Variants in CD2AP observed in about 807,000 individuals in gnomAD.
CD2AP encodes CD2-associated protein.
A neutral mutation model predicts 85.1 loss-of-function variants in CD2AP; 46 were observed. That is an observed-to-expected ratio of 0.54 (90% CI 0.43 to 0.69). The LOEUF (loss-of-function observed/expected upper bound fraction) is 0.69, where lower values mean the gene tolerates loss of function less well. Among genes scored for constraint, CD2AP ranks in the 30% least tolerant of loss-of-function variants. CD2AP has a pLI of 0.00. For missense variants in CD2AP, 769 were observed against 729.5 expected (o/e 1.05, Z -0.62); for synonymous variants, 255 against 252.9 (o/e 1.01, Z -0.08).
intron 15 of CD2AP, 45 bp from the exon 16 acceptor site, chr6:47,609,078 A>G (rs751183220): frequency 4.3e-6 from 6 of 1,395,234 alleles, no homozygotes; most frequent in Non-Finnish European, 5.9e-6. Context: ...TCGAACGTAA[A>G]TATAATATTA....
intron 2 of CD2AP, 62 bp from the exon 3 acceptor site, chr6:47,533,540 T>A (rs1010135504): frequency 1.0e-5 from 15 of 1,502,954 alleles, no homozygotes; most frequent in Non-Finnish European, 1.3e-5. Context: ...TATTTTACAT[T>A]TGAGGATTTA....
intron 16 of CD2AP, 181 bp downstream of exon 16, chr6:47,609,485 T>G: frequency 2.9e-6 from 1 of 343,038 alleles, no homozygotes; most frequent in South Asian, 6.7e-5. Context: ...GAGACCAGCC[T>G]GGACGACATG....
intron 2 of CD2AP, among the ~76,000 whole-genome samples, chr6:47,507,890 T>A (rs1333417454): frequency 6.6e-6 from 1 of 152,236 alleles, no homozygotes; most frequent in East Asian, 1.9e-4. Flanking sequence ...ATCAGATGCA[T>A]CATCAATATG....
chr6:47,558,902 C>T (rs1767767844), intron 5 of CD2AP, among the ~76,000 whole-genome samples: 1 of 152,104 alleles, frequency 6.6e-6, no homozygotes, highest in South Asian at 2.1e-4. Flanking sequence ...GGAATGGTAC[C>T]AGCTCCTCTT....
intron 11 of CD2AP, 166 bp downstream of exon 11, chr6:47,582,231 C>G (rs1582587535): frequency 1.7e-6 from 1 of 589,476 alleles, no homozygotes; most frequent in East Asian, 3.0e-5. Flanking sequence ...ATTTCTCAAA[C>G]AGATAACAAT....
intron 1 of CD2AP, among the ~76,000 whole-genome samples, chr6:47,490,521 C>T (rs974068943): frequency 1.3e-5 from 2 of 151,990 alleles, no homozygotes; most frequent in African/African-American, 4.8e-5. Flanking sequence ...AACTTGTTTG[C>T]TCTTTAGATT....
At chr6:47,623,906 A>AT (rs919775962) in intron 17 of CD2AP, among the ~76,000 whole-genome samples, 3 of 152,010 alleles carry the variant, frequency 2.0e-5, no homozygotes, top group Non-Finnish European at 2.9e-5. Flanking sequence ...GGACTGACTG[A>AT]TTTTTTTACA....
intron 11 of CD2AP, among the ~76,000 whole-genome samples, chr6:47,594,955 CAT>C (rs1768898403): frequency 1.3e-5 from 2 of 151,904 alleles, no homozygotes; most frequent in Non-Finnish European, 2.9e-5. Context: ...TTGTGATAGA[CAT>C]TTTTTTCAAA....
intron 16 of CD2AP, 70 bp downstream of exon 16, chr6:47,609,374 T>A: frequency 1.6e-6 from 2 of 1,279,092 alleles, no homozygotes; most frequent in Non-Finnish European, 2.3e-6. Context: ...TCAAACCATA[T>A]TAAGTAAAAA....
chr6:47,605,040 G>T (rs1353517324), intron 13 of CD2AP, among the ~76,000 whole-genome samples: 1 of 152,000 alleles, frequency 6.6e-6, no homozygotes, highest in African/African-American at 2.4e-5. Flanking sequence ...AGTTTTGTGG[G>T]CAGTGATGAT....
Position 47,574,259 on chromosome 6 carries a change from T to C in CD2AP, c.729+8T>C. 8.7e-6 allele frequency: 14 copies of C among 1,611,956 alleles called. No individual in the cohort carries two copies. The highest frequency in any genetic ancestry group is 2.2e-5 in the South Asian group (2 of 90,980). Reference sequence around the variant, plus strand: ...GAGAAAAAACCAGAAAAGGTGGTAATGATGGACTTGTTAGATTAACTCCAC... The same window carrying C: ...GAGAAAAAACCAGAAAAGGTGGTAACGATGGACTTGTTAGATTAACTCCAC... On this transcript the variant is annotated splice_region_variant and intron_variant, in intron 6 of 17. Coordinates refer to ENST00000359314, the MANE Select transcript of CD2AP (RefSeq NM_012120.3).
intron 5 of CD2AP, among the ~76,000 whole-genome samples, chr6:47,571,694 A>G (rs1364246385): frequency 6.6e-6 from 1 of 152,148 alleles, no homozygotes; most frequent in East Asian, 1.9e-4. Flanking sequence ...TTGTGAAGAA[A>G]GAGCAATTAC....
intron 2 of CD2AP, among the ~76,000 whole-genome samples, chr6:47,505,565 T>C (rs1485035991): frequency 5.0e-5 from 7 of 139,696 alleles, no homozygotes; most frequent in Admixed American, 7.1e-5. Flanking sequence ...GACGGGGTGG[T>C]GGCTGGGCAG....
intron 1 of CD2AP, among the ~76,000 whole-genome samples, chr6:47,484,685 A>G (rs887671840): frequency 2.0e-5 from 3 of 152,054 alleles, no homozygotes; most frequent in Admixed American, 6.6e-5. Context: ...ACTTCCCATC[A>G]TGATCTTGTT....
chr6:47,569,114 G>A (rs1368222522), intron 5 of CD2AP, among the ~76,000 whole-genome samples: 1 of 152,172 alleles, frequency 6.6e-6, no homozygotes, highest in Non-Finnish European at 1.5e-5. Flanking sequence ...TAGAGAGTAA[G>A]TATAAGGCAG....
At chr6:47,537,337 C>T (rs1169329427) in intron 3 of CD2AP, among the ~76,000 whole-genome samples, 2 of 152,120 alleles carry the variant, frequency 1.3e-5, no homozygotes, top group Non-Finnish European at 2.9e-5. Context: ...CATGGTGGCT[C>T]TTTGACATTG....
chr6:47,604,727 A>G (rs774898073), intron 13 of CD2AP, among the ~76,000 whole-genome samples: 22 of 152,026 alleles, frequency 1.4e-4, no homozygotes, highest in Non-Finnish European at 1.8e-4. Context: ...TTTAAATTCA[A>G]CCGCCTTCAG....
intron 6 of CD2AP, 80 bp downstream of exon 6, chr6:47,574,331 ACT>A (rs1768244760): frequency 3.8e-6 from 5 of 1,318,526 alleles, no homozygotes; most frequent in Non-Finnish European, 5.4e-6. Flanking sequence ...TCAGTTTGTA[ACT>A]CTGTTAGATT....
chr6:47,485,987 A>G (rs1765556428), intron 1 of CD2AP, among the ~76,000 whole-genome samples: 1 of 152,152 alleles, frequency 6.6e-6, no homozygotes, highest in Non-Finnish European at 1.5e-5. Context: ...ATTTCCTAAG[A>G]TGCATCCCCA....
Sources: gnomAD v4.1 joint callset for allele counts (sites outside exome capture counted in the v4.1 genomes callset) on GRCh38, gnomAD v4.1.1 for gene constraint, MANE v1.5 for transcripts, NCBI Gene and HGNC (gene_info 2026-07-23, HGNC 2026-07-21) for gene names.